Variants in ANXA11 observed in about 807,000 individuals in gnomAD.
ANXA11 encodes the protein 56 kDa autoantigen.
A neutral mutation model predicts 64.7 loss-of-function variants in ANXA11; 57 were observed. The ratio of observed to expected loss-of-function variants is 0.88; its 90% CI spans 0.71 to 1.10. The LOEUF is 1.10. Ranked by LOEUF, ANXA11 falls within the 50% of genes least tolerant of loss-of-function variation. The pLI is 0.00. For synonymous variants in ANXA11, 260 were observed against 265.2 expected, an observed-to-expected ratio of 0.98 and a Z score of 0.19; for missense variants, 675 against 670.7, an observed-to-expected ratio of 1.01 and a Z score of -0.07.
chr10:80,195,013 G>A (rs1242000815), intron 1 of ANXA11, among the ~76,000 whole-genome samples: 1 of 152,124 alleles, frequency 6.6e-6, no homozygotes, highest in Non-Finnish European at 1.5e-5. Context: ...ATGAATGGCC[G>A]GCACAGACCC....
intron 1 of ANXA11, chr10:80,204,994 C>A (rs41308683): frequency 0.015 from 2,320 of 152,398 alleles, 38 homozygotes; most frequent in Non-Finnish European, 0.021. Flanking sequence ...GGCACCCCTC[C>A]CGCCACCCGT....
chr10:80,188,961 G>C (rs562496861), intron 1 of ANXA11, among the ~76,000 whole-genome samples: 2 of 152,104 alleles, frequency 1.3e-5, no homozygotes, highest in Non-Finnish European at 2.9e-5. Context: ...TGCTGGTAAG[G>C]GGAGGGGTAG....
chr10:80,156,046 T>C, intron 15 of ANXA11, 134 bp from the exon 16 acceptor site: 1 of 846,610 alleles, frequency 1.2e-6, no homozygotes, highest in Non-Finnish European at 1.9e-6. Flanking sequence ...CCACTGCAGG[T>C]CCTGCAGCAG....
chr10:80,169,049 G>A lies in ANXA11; in HGVS notation c.481C>T (p.Pro161Ser), dbSNP rs763479546. 1.9e-6 allele frequency: 3 copies of A among 1,542,314 alleles called. No homozygotes were observed. The South Asian group carries it at 3.9e-5, about 20-fold the overall frequency. Reference sequence around the variant, plus strand: ...CTCGGCACTGGCTGCTGCTGCCCAGGGAGTGGCACTGGAGGCTGACCAGGG... The same window carrying A: ...CTCGGCACTGGCTGCTGCTGCCCAGAGAGTGGCACTGGAGGCTGACCAGGG... ...TYPGQPPVPL[P>S]GQQQPVPSYP... Residue 161 changes from proline to serine, a missense_variant, in exon 5 of 16, where the codon CCT (proline) becomes TCT (serine). By Grantham distance (74) the Pro-to-Ser change is moderately conservative. Coordinates refer to ENST00000422982, the MANE Select transcript of ANXA11 (RefSeq NM_145868.2).
chr10:80,199,376 C>T (rs914796487), intron 1 of ANXA11, among the ~76,000 whole-genome samples: 2 of 152,056 alleles, frequency 1.3e-5, no homozygotes, highest in Non-Finnish European at 2.9e-5. Context: ...GGATTACAGG[C>T]GTGAGCTACC....
intron 1 of ANXA11, among the ~76,000 whole-genome samples, chr10:80,187,748 G>C (rs992993864): frequency 1.3e-5 from 2 of 152,270 alleles, no homozygotes; most frequent in East Asian, 3.9e-4. Context: ...GCCCGCCTAG[G>C]AGGGACCAGC....
chr10:80,183,617 C>A (rs1409288913), intron 1 of ANXA11, among the ~76,000 whole-genome samples: 3 of 152,240 alleles, frequency 2.0e-5, no homozygotes, highest in Non-Finnish European at 4.4e-5. Context: ...AACCTGACAT[C>A]CCCTCACAGT....
intron 5 of ANXA11, among the ~76,000 whole-genome samples, chr10:80,167,762 C>T (rs1398725308): frequency 6.6e-6 from 1 of 152,190 alleles, no homozygotes; most frequent in African/African-American, 2.4e-5. Flanking sequence ...ATTGAGCCTC[C>T]ACAACTGTGC....
intron 5 of ANXA11, among the ~76,000 whole-genome samples, chr10:80,168,140 CT>C (rs1453566010): frequency 3.3e-5 from 5 of 151,910 alleles, no homozygotes; most frequent in Non-Finnish European, 7.4e-5. Context: ...GAATTCTAGG[CT>C]CTGCAAACAC....
At position 80,169,102 on chromosome 10, in the gene ANXA11, G is replaced by A. The variant is rs558151486; in HGVS notation, c.428C>T (p.Ala143Val). The change falls in exon 5 of 16, where the codon GCC (alanine) becomes GTC (valine). Residue 143 changes from alanine to valine, a missense_variant. By Grantham distance (64) the Ala-to-Val change is moderately conservative. Transcript: ENST00000422982. ...GGTCACTGGTGGCTGCCCAGGGTAG[G>A]CCCCTGGGGGCTGCTGTCCGGGGGG... ...MPPPGQQPPG[A>V]YPGQPPVTYP... 1.3e-6 allele frequency: 2 copies of A among 1,535,646 alleles called. No individual in the cohort carries two copies. The highest frequency in any genetic ancestry group is 1.3e-5 in the South Asian group (1 of 76,614).
chr10:80,176,771 C>T (rs1846184553), intron 1 of ANXA11, among the ~76,000 whole-genome samples: 1 of 152,156 alleles, frequency 6.6e-6, no homozygotes, highest in South Asian at 2.1e-4. Flanking sequence ...TAAGGGAGTT[C>T]CCAGCAGGAG....
chr10:80,179,141 T>C (rs948716823), intron 1 of ANXA11, among the ~76,000 whole-genome samples: 1 of 152,330 alleles, frequency 6.6e-6, no homozygotes, highest in Middle Eastern at 3.4e-3. Flanking sequence ...CCTTTGGTGC[T>C]GTTCTCATGA....
At chr10:80,186,677 G>T (rs946108707) in intron 1 of ANXA11, among the ~76,000 whole-genome samples, 1 of 152,108 alleles carries the variant, frequency 6.6e-6, no homozygotes, top group Admixed American at 6.6e-5. Context: ...TTTCACTGAG[G>T]TGTGGCATGG....
At chr10:80,177,220 C>G (rs1334374007) in intron 1 of ANXA11, among the ~76,000 whole-genome samples, 2 of 152,162 alleles carry the variant, frequency 1.3e-5, no homozygotes, top group Admixed American at 6.5e-5. Flanking sequence ...AACTCCCAAC[C>G]TCAGATGATC....
At chr10:80,176,991 T>TG (rs1846194302) in intron 1 of ANXA11, among the ~76,000 whole-genome samples, 1 of 151,640 alleles carries the variant, frequency 6.6e-6, no homozygotes, top group African/African-American at 2.4e-5. Flanking sequence ...CTTTTTTTTT[T>TG]TTTTTTGAGA....
intron 1 of ANXA11, among the ~76,000 whole-genome samples, chr10:80,184,674 G>A (rs1268544719): frequency 2.6e-5 from 4 of 152,154 alleles, no homozygotes; most frequent in Non-Finnish European, 4.4e-5. Context: ...AAAGACTCAG[G>A]TGCTGATTCA....
rs930986202 is a variant in ANXA11 at position 80,172,230 on chromosome 10, G to A, written c.55+577C>T. 4.6e-5 allele frequency among the ~76,000 whole-genome samples: 7 copies of A among 152,118 alleles called. No homozygotes were observed. In the South Asian group the frequency reaches 6.2e-4, roughly 14 times the overall value. On this transcript the variant is annotated intron_variant, in intron 3 of 15. Transcript: ENST00000422982. ...AAAAGGGGCCAGGGCCAGAGAAGAC[G>A]ACTTCTCCATGTGACTACCCACAGC...
intron 1 of ANXA11, among the ~76,000 whole-genome samples, chr10:80,195,413 C>T (rs1360110711): frequency 6.6e-6 from 1 of 152,362 alleles, no homozygotes; most frequent in African/African-American, 2.4e-5. Context: ...GCATCCTAAG[C>T]TGTGTCAAGC....
chr10:80,156,664 C>T (rs1753963631), intron 15 of ANXA11, among the ~76,000 whole-genome samples: 1 of 152,006 alleles, frequency 6.6e-6, no homozygotes, highest in Admixed American at 6.6e-5. Flanking sequence ...ACAGGCAAGC[C>T]CAGCTAATTT....
Sources: allele counts gnomAD v4.1 joint callset (sites outside exome capture counted in the v4.1 genomes callset), GRCh38; gene constraint gnomAD v4.1.1; transcripts MANE v1.5; gene names NCBI Gene and HGNC (gene_info 2026-07-23, HGNC 2026-07-21).